CSMD1: variants seen among roughly 807,000 people sequenced by gnomAD.
CSMD1 encodes CUB and sushi domain-containing protein 1.
Under a neutral mutation model 417.5 loss-of-function variants are expected in CSMD1, and 213 were observed. That is an observed-to-expected ratio of 0.51 (90% CI 0.46 to 0.57). CSMD1 has a LOEUF of 0.57. Among genes scored for constraint, CSMD1 ranks in the 20% least tolerant of loss-of-function variants. CSMD1 has a pLI of 0.00. For synonymous variants in CSMD1, 2,862 were observed against 1,736.8 expected (o/e 1.65, Z -16.11); for missense variants, 6,923 against 4,529.7 (o/e 1.53, Z -15.17).
chr8:4,870,987 G>A (rs577194401), intron 1 of CSMD1, among the ~76,000 whole-genome samples: 1 of 152,064 alleles, frequency 6.6e-6, no homozygotes, highest in Non-Finnish European at 1.5e-5. Flanking sequence ...CTCAGGGGAT[G>A]CCACAGGGTC....
chr8:4,054,274 G>C (rs1173638567), intron 3 of CSMD1, among the ~76,000 whole-genome samples: 1 of 79,544 alleles, frequency 1.3e-5, no homozygotes, highest in African/African-American at 4.6e-5. Context: ...AGGTGACGGG[G>C]AAGTGAAGAT....
chr8:3,966,665 G>C (rs571968703), intron 5 of CSMD1, among the ~76,000 whole-genome samples: 4 of 152,216 alleles, frequency 2.6e-5, no homozygotes, highest in Admixed American at 2.6e-4. Flanking sequence ...ACCATGTGCT[G>C]TGTTTCATGC....
At chr8:4,747,946 TATG>T (rs1435395239) in intron 1 of CSMD1, among the ~76,000 whole-genome samples, 1 of 152,234 alleles carries the variant, frequency 6.6e-6, no homozygotes, top group Non-Finnish European at 1.5e-5. Flanking sequence ...GAAACTACCA[TATG>T]TTCTGCCTTC....
chr8:3,590,893 T>G (rs79250649), intron 8 of CSMD1, among the ~76,000 whole-genome samples: 4,708 of 152,334 alleles, frequency 0.031, 239 homozygotes, highest in African/African-American at 0.1. Flanking sequence ...AAGCCATGTG[T>G]GCTTTCGATG....
intron 2 of CSMD1, among the ~76,000 whole-genome samples, chr8:4,447,009 T>C (rs551449450): frequency 1.3e-5 from 2 of 150,804 alleles, no homozygotes; most frequent in Non-Finnish European, 2.9e-5. Context: ...AACTGTTGCA[T>C]GGAAGGGATT....
intron 23 of CSMD1, among the ~76,000 whole-genome samples, chr8:3,311,860 G>C (rs1279249473): frequency 6.6e-6 from 1 of 152,110 alleles, no homozygotes. Flanking sequence ...AATTGTTTCA[G>C]TAGTTTATAG....
intron 3 of CSMD1, among the ~76,000 whole-genome samples, chr8:4,295,769 TATATATATATATATATATAC>T (rs1229148970): frequency 2.7e-5 from 1 of 37,402 alleles, no homozygotes; most frequent in Non-Finnish European, 6.6e-5. Flanking sequence ...TATATATATA[TATATATATATATATATATAC>T]ACACACACAT....
At chr8:4,683,560 C>G (rs1328588913) in intron 1 of CSMD1, among the ~76,000 whole-genome samples, 2 of 152,154 alleles carry the variant, frequency 1.3e-5, no homozygotes, top group African/African-American at 4.8e-5. Flanking sequence ...GAGGCACGTT[C>G]TATTGTGAAT....
intron 5 of CSMD1, among the ~76,000 whole-genome samples, chr8:3,817,470 G>C (rs142672688): frequency 6.6e-6 from 1 of 151,238 alleles, no homozygotes; most frequent in Non-Finnish European, 1.5e-5. Context: ...TAGTAGAGAC[G>C]GGGTTTCACC....
chr8:4,254,517 T>A (rs1764183466), intron 3 of CSMD1, among the ~76,000 whole-genome samples: 1 of 152,180 alleles, frequency 6.6e-6, no homozygotes, highest in African/African-American at 2.4e-5. Flanking sequence ...AAATTTCACG[T>A]AGCCTAAACG....
chr8:4,314,777 A>G (rs951660964), intron 3 of CSMD1, among the ~76,000 whole-genome samples: 2 of 152,218 alleles, frequency 1.3e-5, no homozygotes, highest in African/African-American at 4.8e-5. Flanking sequence ...ATTTATCCTC[A>G]GAAAAGATTC....
chr8:2,950,737 T>C lies in CSMD1; in HGVS notation c.10201+377A>G, dbSNP rs1399031189. The stretch of plus-strand genomic sequence containing the variant: ...AGTGCTTAAAATAGTGTTTGCCATA[T>C]AAATCGAGGCTGTTTTATTTTATTA... On this transcript the variant is annotated intron_variant, in intron 66 of 69. Transcript: ENST00000635120. 2.0e-5 allele frequency among the ~76,000 whole-genome samples: 3 copies of C among 152,190 alleles called. No homozygotes were observed. The East Asian group carries it at 5.8e-4, about 29-fold the overall frequency.
chr8:3,470,484 G>C (rs139616728), intron 11 of CSMD1, among the ~76,000 whole-genome samples: 1,943 of 152,238 alleles, frequency 0.013, 16 homozygotes, highest in Non-Finnish European at 0.02. Flanking sequence ...CATTGACATG[G>C]ATACAACCTA....
rs116522981 is a variant in CSMD1 at position 4,826,555 on chromosome 8, G to A, written c.85+167777C>T. ...TTGTTACGTGTCTATAATGCGTAGTGACCAAGTTAGCGTAGTTGGGATGTC... is the reference window on the plus strand; with the variant it reads ...TTGTTACGTGTCTATAATGCGTAGTAACCAAGTTAGCGTAGTTGGGATGTC... On this transcript the variant is annotated intron_variant, in intron 1 of 69. Coordinates refer to ENST00000635120, the MANE Select transcript of CSMD1 (RefSeq NM_033225.6). 3.3e-3 allele frequency among the ~76,000 whole-genome samples: 510 copies of A among 152,240 alleles called. 3 individuals are homozygous for A. The highest frequency in any genetic ancestry group is 0.014 in the Middle Eastern group (4 of 294).
At chr8:3,982,618 A>C (rs564592037) in intron 5 of CSMD1, among the ~76,000 whole-genome samples, 2 of 33,370 alleles carry the variant, frequency 6.0e-5, no homozygotes, top group Non-Finnish European at 1.4e-4. Flanking sequence ...GCTGAGAGAG[A>C]AAAAAAAAAA....
chr8:4,597,280 T>C (rs1354633549), intron 2 of CSMD1, among the ~76,000 whole-genome samples: 3 of 152,160 alleles, frequency 2.0e-5, no homozygotes, highest in African/African-American at 7.2e-5. Flanking sequence ...ATTTGAGAAA[T>C]AGATATCAAT....
intron 6 of CSMD1, among the ~76,000 whole-genome samples, chr8:3,710,768 G>C (rs951674950): frequency 6.6e-6 from 1 of 152,160 alleles, no homozygotes; most frequent in Non-Finnish European, 1.5e-5. Flanking sequence ...TAGGAATTAT[G>C]ACACCGCCAG....
intron 57 of CSMD1, among the ~76,000 whole-genome samples, chr8:2,972,055 T>C (rs1048357765): frequency 1.2e-4 from 19 of 152,048 alleles, no homozygotes; most frequent in Non-Finnish European, 2.5e-4. Flanking sequence ...ATATAATATA[T>C]AAATATGCAA....
intron 5 of CSMD1, among the ~76,000 whole-genome samples, chr8:3,960,157 C>T (rs968473634): frequency 3.3e-5 from 5 of 152,086 alleles, no homozygotes; most frequent in African/African-American, 9.7e-5. Flanking sequence ...TTTTTTACAG[C>T]GTATCTTCTT....
Sources: allele counts gnomAD v4.1 joint callset (sites outside exome capture counted in the v4.1 genomes callset), GRCh38; gene constraint gnomAD v4.1.1; transcripts MANE v1.5; gene names NCBI Gene and HGNC (gene_info 2026-07-23, HGNC 2026-07-21).